The following PSD3 variants were observed in gnomAD, a reference collection of about 807,000 sequenced individuals.
The protein encoded by PSD3 is pleckstrin and Sec7 domain containing 3.
Under a neutral mutation model 105.5 loss-of-function variants are expected in PSD3, and 49 were observed. The ratio of observed to expected loss-of-function variants is 0.46; its 90% CI spans 0.37 to 0.59. The LOEUF is 0.59. Ranked by LOEUF, PSD3 falls within the 20% of genes least tolerant of loss-of-function variation. The pLI is 0.00. For synonymous variants in PSD3, 557 were observed against 457.8 expected, an observed-to-expected ratio of 1.22 and a Z score of -2.77; for missense variants, 1,561 against 1,263.8, an observed-to-expected ratio of 1.24 and a Z score of -3.57.
chr8:19,069,113 C>T (rs1345941603), intron 1 of PSD3, among the ~76,000 whole-genome samples: 1 of 152,180 alleles, frequency 6.6e-6, no homozygotes, highest in Admixed American at 6.5e-5. Context: ...GAAAAATAGC[C>T]ACCCAGTGCG....
At chr8:18,582,598 C>A (rs1230071770) in intron 12 of PSD3, among the ~76,000 whole-genome samples, 4 of 151,940 alleles carry the variant, frequency 2.6e-5, no homozygotes, top group Non-Finnish European at 2.9e-5. Context: ...CATTTCTGGC[C>A]CCTTCATTGG....
intron 14 of PSD3, among the ~76,000 whole-genome samples, chr8:18,561,769 A>G (rs1433947053): frequency 2.6e-5 from 4 of 152,148 alleles, no homozygotes; most frequent in Non-Finnish European, 5.9e-5. Flanking sequence ...CCTTTAAAAT[A>G]TTAAGCTCTA....
intron 9 of PSD3, among the ~76,000 whole-genome samples, chr8:18,705,288 G>GA (rs1801819858): frequency 6.6e-6 from 1 of 152,148 alleles, no homozygotes; most frequent in South Asian, 2.1e-4. Flanking sequence ...AGCCCTTTGG[G>GA]AGGCCAAGCC....
intron 1 of PSD3, among the ~76,000 whole-genome samples, chr8:18,951,724 C>T (rs934531408): frequency 5.9e-5 from 9 of 152,104 alleles, no homozygotes; most frequent in African/African-American, 2.2e-4. Context: ...GTGGCTCACA[C>T]CTGTAATCCC....
intron 1 of PSD3, among the ~76,000 whole-genome samples, chr8:19,071,098 T>C (rs910295195): frequency 6.6e-6 from 1 of 152,002 alleles, no homozygotes; most frequent in African/African-American, 2.4e-5. Context: ...CTTGTACTGT[T>C]GCCCAGGCTG....
intron 1 of PSD3, among the ~76,000 whole-genome samples, chr8:18,965,893 G>A (rs1824213389): frequency 6.6e-6 from 1 of 152,200 alleles, no homozygotes. Flanking sequence ...TAAGCTCCTG[G>A]TAATATAACA....
intron 1 of PSD3, among the ~76,000 whole-genome samples, chr8:18,970,670 G>C (rs1824592404): frequency 6.6e-6 from 1 of 151,966 alleles, no homozygotes; most frequent in Non-Finnish European, 1.5e-5. Flanking sequence ...TTAAAGATGA[G>C]AGGTCTGGAT....
chr8:19,072,105 C>CT (rs60783892), intron 1 of PSD3, among the ~76,000 whole-genome samples: 1 of 142,726 alleles, frequency 7.0e-6, no homozygotes, highest in African/African-American at 2.6e-5. Context: ...AATATTTCTT[C>CT]TTTTTTTTTT....
At chr8:19,010,820 CTA>C (rs1399140648) in intron 1 of PSD3, among the ~76,000 whole-genome samples, 5 of 151,978 alleles carry the variant, frequency 3.3e-5, no homozygotes. Flanking sequence ...TGTAAAAGAA[CTA>C]GGAAGAACTG....
chr8:18,644,055 C>T (rs1480684761), intron 10 of PSD3, among the ~76,000 whole-genome samples: 1 of 152,176 alleles, frequency 6.6e-6, no homozygotes, highest in Non-Finnish European at 1.5e-5. Context: ...CCATTCTGCC[C>T]TCCTACACCT....
At chr8:18,613,560 TAG>T (rs1005118302) in intron 11 of PSD3, among the ~76,000 whole-genome samples, 4 of 152,170 alleles carry the variant, frequency 2.6e-5, no homozygotes, top group Admixed American at 2.6e-4. Context: ...CCTGCAACGC[TAG>T]AGTCACAGAA....
intron 9 of PSD3, among the ~76,000 whole-genome samples, chr8:18,677,101 G>T (rs1163091871): frequency 6.6e-6 from 1 of 152,176 alleles, no homozygotes; most frequent in Admixed American, 6.5e-5. Context: ...TTACTCCTAA[G>T]TAATCATTTG....
intron 1 of PSD3, among the ~76,000 whole-genome samples, chr8:18,949,472 A>G (rs754731787): frequency 2.7e-4 from 41 of 151,618 alleles, no homozygotes; most frequent in Non-Finnish European, 5.0e-4. Flanking sequence ...TAACACACGA[A>G]ATATTTAAAA....
At chr8:18,543,914 G>A (rs948033936) in intron 15 of PSD3, among the ~76,000 whole-genome samples, 1 of 151,948 alleles carries the variant, frequency 6.6e-6, no homozygotes. Flanking sequence ...TTTGACCTCT[G>A]ATACATGAAT....
chr8:19,076,895 A>G (rs1829478861), intron 1 of PSD3, among the ~76,000 whole-genome samples: 2 of 152,096 alleles, frequency 1.3e-5, no homozygotes, highest in South Asian at 2.1e-4. Flanking sequence ...TGTCAAACAT[A>G]CCAGCTTTGT....
intron 1 of PSD3, among the ~76,000 whole-genome samples, chr8:18,995,646 A>G (rs1448290879): frequency 6.6e-6 from 1 of 152,098 alleles, no homozygotes; most frequent in Non-Finnish European, 1.5e-5. Flanking sequence ...TCTAAAGGAA[A>G]GAGGTTTAAT....
chr8:18,791,226 T>C (rs1809691953), intron 8 of PSD3, among the ~76,000 whole-genome samples: 1 of 152,048 alleles, frequency 6.6e-6, no homozygotes, highest in South Asian at 2.1e-4. Context: ...AGAAAAAAAC[T>C]ATTTTAAAAT....
At position 18,694,611 on chromosome 8, in the gene PSD3, GAAA is replaced by G. The variant is rs61475829; in HGVS notation, c.2173-38929_2173-38927del. ...GGCAACAGAGTGAGACTGCATCTCC[GAAA>G]AAAAAAAAAAAAGTGAAGTTCCTTC... On this transcript the variant is annotated intron_variant, in intron 9 of 15. Coordinates refer to ENST00000327040, the MANE Select transcript of PSD3 (RefSeq NM_015310.4). Among the ~76,000 whole-genome samples, 773 of 140,986 alleles carry G rather than the reference GAAA, an allele frequency of 5.5e-3. 9 individuals carry two copies. Among genetic ancestry groups the G allele is most frequent in the African/African-American group, 0.019 (744 of 38,590 alleles). 92.5% of individuals were successfully genotyped at this position (140,986 alleles called of 152,430 possible).
At chr8:18,769,420 AAAGT>A (rs1807303251) in intron 8 of PSD3, among the ~76,000 whole-genome samples, 1 of 152,200 alleles carries the variant, frequency 6.6e-6, no homozygotes, top group East Asian at 1.9e-4. Context: ...TTCTCTTAAA[AAAGT>A]GTGTTAATTT....
Sources: gnomAD v4.1 joint callset for allele counts (sites outside exome capture counted in the v4.1 genomes callset) on GRCh38, gnomAD v4.1.1 for gene constraint, MANE v1.5 for transcripts, NCBI Gene and HGNC (gene_info 2026-07-23, HGNC 2026-07-21) for gene names.